ORC4: variants seen among roughly 807,000 people sequenced by gnomAD.
ORC4 encodes the protein origin recognition complex subunit 4.
Under a neutral mutation model 63.9 loss-of-function variants are expected in ORC4, and 55 were observed. The ratio of observed to expected loss-of-function variants is 0.86; its 90% confidence interval spans 0.69 to 1.08. The LOEUF (loss-of-function observed/expected upper bound fraction) is 1.08. ORC4 is among the 50% of genes least tolerant of loss of function. The pLI is 0.00. For synonymous variants in ORC4, 150 were observed against 168.5 expected (o/e 0.89, Z 0.85); for missense variants, 511 against 504.4 (o/e 1.01, Z -0.13).
At chr2:148,012,471 T>C (rs1451250096) in intron 1 of ORC4, among the ~76,000 whole-genome samples, 1 of 152,050 alleles carries the variant, frequency 6.6e-6, no homozygotes, top group Non-Finnish European at 1.5e-5. Context: ...AAGACTTACA[T>C]CTATGAAACT....
At chr2:147,989,010 A>C (rs1691402382) in intron 1 of ORC4, among the ~76,000 whole-genome samples, 1 of 152,190 alleles carries the variant, frequency 6.6e-6, no homozygotes, top group African/African-American at 2.4e-5. Flanking sequence ...TATTTCTGTA[A>C]ATAATGTAAG....
At chr2:147,987,747 C>A (rs1166012069) in intron 1 of ORC4, among the ~76,000 whole-genome samples, 1 of 151,970 alleles carries the variant, frequency 6.6e-6, no homozygotes, top group Non-Finnish European at 1.5e-5. Flanking sequence ...TGCAAAATAA[C>A]CCTCTGGAAT....
chr2:147,998,425 T>C (rs938651339), intron 1 of ORC4, among the ~76,000 whole-genome samples: 8 of 152,178 alleles, frequency 5.3e-5, no homozygotes. Context: ...CTGGAGTTAG[T>C]GTGTTCTGGC....
intron 1 of ORC4, among the ~76,000 whole-genome samples, chr2:148,002,840 A>C (rs1344276756): frequency 6.6e-6 from 1 of 152,070 alleles, no homozygotes; most frequent in Non-Finnish European, 1.5e-5. Context: ...TTTTTTGAAA[A>C]CTTTAACAAA....
Position 147,993,359 on chromosome 2 carries a change from G to A in ORC4, c.-17-17384C>T, listed in dbSNP as rs145905000. ...AGTAAATATTAAACTATTTTTGGAA[G>A]GAAAAAAAACTGAAAATAACATTGC... On this transcript the variant is annotated intron_variant, in intron 1 of 13. Transcript: ENST00000392857. Among the ~76,000 whole-genome samples the A allele has an allele frequency of 1.1e-3, 169 of 151,532 alleles. 3 individuals carry two copies. Among genetic ancestry groups the A allele is most frequent in the Middle Eastern group, 3.4e-3 (1 of 292 alleles).
At chr2:147,943,071 T>C (rs1189460750) in intron 10 of ORC4, among the ~76,000 whole-genome samples, 1 of 152,050 alleles carries the variant, frequency 6.6e-6, no homozygotes, top group Non-Finnish European at 1.5e-5. Flanking sequence ...ACATCATCTG[T>C]GTAGTAAGAG....
intron 7 of ORC4, among the ~76,000 whole-genome samples, chr2:147,953,253 T>G (rs1476640760): frequency 6.6e-6 from 1 of 151,250 alleles, no homozygotes; most frequent in Non-Finnish European, 1.5e-5. Flanking sequence ...TGCAGTGAGC[T>G]GAGATCACAC....
At chr2:148,012,282 C>T (rs1490547185) in intron 1 of ORC4, among the ~76,000 whole-genome samples, 2 of 152,116 alleles carry the variant, frequency 1.3e-5, no homozygotes, top group East Asian at 3.9e-4. Flanking sequence ...AACAGAGAGT[C>T]CAGAAATTAA....
Position 147,952,493 on chromosome 2 carries a change from G to A in ORC4, c.468C>T (p.Phe156=). 6.2e-7 allele frequency: 1 copy of A among 1,610,046 alleles called. No homozygotes were observed. Among genetic ancestry groups the A allele is most frequent in the Non-Finnish European group, 8.5e-7 (1 of 1,176,534 alleles). ...CAAAAAGATCAAATTCATCTAATAT[G>A]AAGATCACTGGGCAACTGCTAGTTC... ...GDRTSSCPVI[F]ILDEFDLFAH... Residue 156 remains phenylalanine, a synonymous_variant, in exon 8 of 14, where the codon TTC becomes TTT. Transcript: ENST00000392857.
In ORC4 at chr2:147,931,818, G is replaced by A. The variant is rs1687760169; in HGVS notation, c.*3692C>T. On this transcript the variant is annotated 3_prime_UTR_variant, in exon 14 of 14. Coordinates refer to ENST00000392857, the MANE Select transcript of ORC4 (RefSeq NM_181741.4). Reference sequence around the variant, plus strand: ...GATGGGGTGTATTTCAAAATAATAAGAGCTATCTATGACAAACCCACAGCC... The same window carrying A: ...GATGGGGTGTATTTCAAAATAATAAAAGCTATCTATGACAAACCCACAGCC... The A allele has an allele frequency of 6.6e-6, 1 of 151,736 alleles. No individual in the cohort carries two copies. Among genetic ancestry groups the A allele is most frequent in the Non-Finnish European group, 1.5e-5 (1 of 68,004 alleles). 9.4% of individuals were successfully genotyped at this position (151,736 alleles called of 1,614,324 possible).
chr2:147,981,428 G>T (rs1033262815), intron 1 of ORC4, among the ~76,000 whole-genome samples: 11 of 152,170 alleles, frequency 7.2e-5, no homozygotes, highest in Non-Finnish European at 1.6e-4. Context: ...TTTATTTCTG[G>T]AGTTTTCCAT....
chr2:147,955,113 A>G (rs1184496553), intron 7 of ORC4, among the ~76,000 whole-genome samples: 2 of 152,032 alleles, frequency 1.3e-5, no homozygotes, highest in Non-Finnish European at 2.9e-5. Flanking sequence ...ATCTCTATCA[A>G]TAATATACTG....
intron 4 of ORC4, among the ~76,000 whole-genome samples, chr2:147,969,628 G>A (rs914218106): frequency 2.0e-5 from 3 of 151,112 alleles, no homozygotes; most frequent in African/African-American, 4.9e-5. Context: ...GAGAGAGGGG[G>A]AAAAAACATG....
chr2:147,981,657 C>T (rs922502764), intron 1 of ORC4, among the ~76,000 whole-genome samples: 1 of 152,014 alleles, frequency 6.6e-6, no homozygotes, highest in Admixed American at 6.5e-5. Flanking sequence ...TATATTAAAA[C>T]ATTATGCTGT....
At position 147,930,661 on chromosome 2, in the gene ORC4, A is replaced by G. The variant is rs1232241706; in HGVS notation, c.*4849T>C. 1 of 152,350 alleles carries G rather than the reference A, an allele frequency of 6.6e-6. No individual in the cohort carries two copies. The highest frequency in any genetic ancestry group is 1.5e-5 in the Non-Finnish European group (1 of 67,974). The allele number at this position is 152,350 out of a possible 1,614,324, so 9.4% of individuals were successfully genotyped here. A position where few individuals can be genotyped will look rare whatever the true frequency, so the allele number is the denominator to read the frequency against. On this transcript the variant is annotated 3_prime_UTR_variant, in exon 14 of 14. Coordinates refer to ENST00000392857, the MANE Select transcript of ORC4 (RefSeq NM_181741.4). The stretch of plus-strand genomic sequence containing the variant: ...TTGTGTTTTGGGCACAGGTTATTGT[A>G]CTACTGTCAAATCGTACTTGCTATT...
At chr2:147,974,807 T>C (rs1453501190) in intron 2 of ORC4, among the ~76,000 whole-genome samples, 1 of 119,910 alleles carries the variant, frequency 8.3e-6, no homozygotes, top group Non-Finnish European at 1.7e-5. Flanking sequence ...ATCTTTTCCT[T>C]AAAAAAAAAA....
chr2:147,979,985 A>C (rs1257313495), intron 1 of ORC4, among the ~76,000 whole-genome samples: 1 of 152,166 alleles, frequency 6.6e-6, no homozygotes, highest in African/African-American at 2.4e-5. Context: ...ACAGGGGGAA[A>C]GCTTTTTGAC....
At chr2:148,018,522 T>A (rs898014816) in intron 1 of ORC4, among the ~76,000 whole-genome samples, 20 of 152,194 alleles carry the variant, frequency 1.3e-4, no homozygotes, top group African/African-American at 4.3e-4. Context: ...AATCCAAATG[T>A]TTATTAATAT....
chr2:148,021,492 G>GCTGCTA (rs1053396305), upstream of ORC4: 40 of 576,210 alleles, frequency 6.9e-5, no homozygotes, highest in Non-Finnish European at 1.1e-4. Flanking sequence ...TGCTGCTGCT[G>GCTGCTA]CTGCTACTGC....
Sources: allele counts gnomAD v4.1 joint callset (sites outside exome capture counted in the v4.1 genomes callset), GRCh38; gene constraint gnomAD v4.1.1; transcripts MANE v1.5; gene names NCBI Gene and HGNC (gene_info 2026-07-23, HGNC 2026-07-21).